The following EIF2AK4 variants were observed in gnomAD, a reference collection of about 807,000 sequenced individuals.
The protein encoded by EIF2AK4 is eukaryotic translation initiation factor 2 alpha kinase 4, also known as eIF-2-alpha kinase GCN2.
In EIF2AK4, 139 loss-of-function variants were observed where a neutral mutation model predicts 211.1. That is an observed-to-expected ratio of 0.66 (90% confidence interval 0.57 to 0.76). The LOEUF is 0.76. EIF2AK4 is among the 30% of genes least tolerant of loss of function. The pLI is 0.00. For missense variants in EIF2AK4, 1,664 were observed against 2,043.8 expected, an observed-to-expected ratio of 0.81 and a Z score of 3.58; for synonymous variants, 710 against 751.3, an observed-to-expected ratio of 0.94 and a Z score of 0.90.
chr15:39,958,906 T>TA lies in EIF2AK4; in HGVS notation c.744-2867dup, dbSNP rs572648420. On this transcript the variant is annotated intron_variant, in intron 6 of 38. Transcript: ENST00000263791. Reference sequence around the variant, plus strand: ...TCTCTCTTCTTGCCACTTGGCTTTTTAAAAAAAAAAAGATTATCCTTTTTT... The same window carrying TA: ...TCTCTCTTCTTGCCACTTGGCTTTTTAAAAAAAAAAAAGATTATCCTTTTTT... Among the ~76,000 whole-genome samples, 191 of 148,282 alleles carry TA rather than the reference T, an allele frequency of 1.3e-3. 2 individuals are homozygous for TA. In the South Asian group the frequency reaches 0.03, roughly 24 times the overall value.
chr15:39,962,001 C>A (rs2034479771), intron 7 of EIF2AK4, 102 bp downstream of exon 7: 1 of 775,364 alleles, frequency 1.3e-6, no homozygotes, highest in Non-Finnish European at 2.1e-6. Context: ...CCAGTGCAGT[C>A]CAAGGAAGAC....
chr15:40,026,271 ATAC>A (rs2035464427), intron 33 of EIF2AK4, among the ~76,000 whole-genome samples, 182 bp downstream of exon 33: 1 of 152,154 alleles, frequency 6.6e-6, no homozygotes, highest in South Asian at 2.1e-4. Context: ...CCTGGGCAAC[ATAC>A]CAAGACCCCA....
intron 21 of EIF2AK4, 79 bp from the exon 22 acceptor site, chr15:40,002,634 C>T: frequency 6.7e-7 from 1 of 1,490,168 alleles, no homozygotes; most frequent in Non-Finnish European, 9.4e-7. Flanking sequence ...GTAGTGCCTA[C>T]TGCAAGCCAC....
At chr15:39,965,642 A>G in intron 7 of EIF2AK4, 44 bp from the exon 8 acceptor site, 1 of 1,606,644 alleles carries the variant, frequency 6.2e-7, no homozygotes, top group South Asian at 1.1e-5. Flanking sequence ...CCCAAGAGAA[A>G]ACATACCAGT....
Position 39,961,807 on chromosome 15 carries a change from G to A in EIF2AK4, c.767G>A (p.Cys256Tyr). 1 of 1,613,890 alleles carries A rather than the reference G, an allele frequency of 6.2e-7. No homozygotes were observed. Among genetic ancestry groups the A allele is most frequent in the African/African-American group, 1.3e-5 (1 of 75,038 alleles). ...AGGCGAGAACGTCAGTATTCTGTAT[G>A]TAATAGTGAAGATTCTCCTGGCTCT... Reference protein sequence around the residue: ...RSRRERQYSVCNSEDSPGSCE... With the variant: ...RSRRERQYSVYNSEDSPGSCE... The change falls in exon 7 of 39, where the codon TGT becomes TAT. Residue 256 changes from cysteine (C) to tyrosine (Y), a missense_variant. This residue lies in a region of EIF2AK4 where 641 missense variants were observed against 729.6 expected (regional missense o/e 0.88). Coordinates refer to ENST00000263791, the MANE Select transcript of EIF2AK4 (RefSeq NM_001013703.4).
At chr15:39,948,417 C>G (rs2034259125) in intron 3 of EIF2AK4, among the ~76,000 whole-genome samples, 1 of 152,144 alleles carries the variant, frequency 6.6e-6, no homozygotes, top group Admixed American at 6.5e-5. Context: ...AATCTTTGTT[C>G]TATTGATTTA....
rs552137189 is a variant in EIF2AK4 at position 39,939,473 on chromosome 15, G to GA, written c.145-25dup. 17 of 1,549,110 alleles carry GA rather than the reference G, an allele frequency of 1.1e-5. No homozygotes were observed. In the African/African-American group the frequency reaches 1.9e-4, roughly 18 times the overall value. ...CATTAATGATTGGCTCTACAGCTTT[G>GA]AAAAAAATTTTTTTTGTTTTTCCTC... On this transcript the variant is annotated intron_variant, in intron 1 of 38. Coordinates refer to ENST00000263791, the MANE Select transcript of EIF2AK4 (RefSeq NM_001013703.4).
intron 27 of EIF2AK4, among the ~76,000 whole-genome samples, chr15:40,014,570 G>A (rs1357168308): frequency 6.6e-6 from 1 of 152,250 alleles, no homozygotes; most frequent in Non-Finnish European, 1.5e-5. Context: ...AAGCTACATA[G>A]AGGAGGGGGG....
Position 39,976,986 on chromosome 15 carries a change from T to C in EIF2AK4, c.2249+142T>C, listed in dbSNP as rs2034707604. ...CCTTTTTTGAGATAGGGTCTTGCTCTGTCACCCAGGCTGGAGGTCAGTGGC... is the reference window on the plus strand; with the variant it reads ...CCTTTTTTGAGATAGGGTCTTGCTCCGTCACCCAGGCTGGAGGTCAGTGGC... On this transcript the variant is annotated intron_variant, in intron 12 of 38. Transcript: ENST00000263791. 12 of 1,115,164 alleles carry C rather than the reference T, an allele frequency of 1.1e-5. 1 individual carries two copies. In the South Asian group the frequency reaches 2.5e-4, roughly 23 times the overall value. The allele number at this position is 1,115,164 out of a possible 1,614,324, so 69.1% of individuals were successfully genotyped here.
rs8034578 is a variant in EIF2AK4 at position 40,009,301 on chromosome 15, C to A, written c.3577-313C>A. On this transcript the variant is annotated intron_variant, in intron 25 of 38. Transcript: ENST00000263791. ...ATGGGGTTTCCCTATGTTCCCCAGG[C>A]TGGTCTTGAACTCTTGAGCTCAAGG... is the stretch of plus-strand genomic sequence containing the variant. 0.11 allele frequency among the ~76,000 whole-genome samples: 16,774 copies of A among 151,742 alleles called. 1,743 individuals carry two copies. The highest frequency in any genetic ancestry group is 0.28 in the East Asian group (1,433 of 5,146).
At chr15:39,964,358 A>C (rs2140911199) in intron 7 of EIF2AK4, among the ~76,000 whole-genome samples, 1 of 152,334 alleles carries the variant, frequency 6.6e-6, no homozygotes, top group South Asian at 2.1e-4. Context: ...TTTATATAAG[A>C]GAAAAAGGCA....
In EIF2AK4 at chr15:40,002,796, C is replaced by A; in HGVS notation, c.3235+8C>A. The stretch of plus-strand genomic sequence containing the variant: ...GCATCTTTAAAAGACATGGTATGTA[C>A]GCCCTTTTTAAAAATGATATTTCTT... On this transcript the variant is annotated splice_region_variant and intron_variant, in intron 22 of 38. Coordinates refer to ENST00000263791, the MANE Select transcript of EIF2AK4 (RefSeq NM_001013703.4). The A allele has an allele frequency of 3.1e-6, 5 of 1,613,852 alleles. No individual in the cohort carries two copies. The highest frequency in any genetic ancestry group is 3.4e-6 in the Non-Finnish European group (4 of 1,179,822).
intron 23 of EIF2AK4, among the ~76,000 whole-genome samples, chr15:40,005,968 C>G (rs903867857): frequency 7.4e-5 from 11 of 148,444 alleles, no homozygotes; most frequent in Admixed American, 4.7e-4. Flanking sequence ...GGAAGATACT[C>G]AGAAAAAAAA....
At chr15:40,034,028 C>CAAAAAAAAAAAAAAAAAAA (rs1161664208) in intron 37 of EIF2AK4, among the ~76,000 whole-genome samples, 1 of 68,972 alleles carries the variant, frequency 1.4e-5, no homozygotes, top group Non-Finnish European at 3.0e-5. Context: ...AACTCCATCT[C>CAAAAAAAAAAAAAAAAAAA]AAAAAAAAAA....
At chr15:39,935,938 G>A (rs1280323310) in intron 1 of EIF2AK4, among the ~76,000 whole-genome samples, 1 of 152,112 alleles carries the variant, frequency 6.6e-6, no homozygotes, top group Non-Finnish European at 1.5e-5. Context: ...GGTGACTGGG[G>A]AACTTCTATC....
intron 18 of EIF2AK4, 26 bp from the exon 19 acceptor site, chr15:39,996,938 T>C: frequency 6.7e-7 from 1 of 1,481,760 alleles, no homozygotes; most frequent in Non-Finnish European, 9.4e-7. Flanking sequence ...CAAGGCTCTC[T>C]AAATGCAATT....
intron 3 of EIF2AK4, among the ~76,000 whole-genome samples, chr15:39,948,254 G>C (rs775881232): frequency 2.6e-5 from 4 of 152,168 alleles, no homozygotes. Context: ...AGTCCCTTTA[G>C]AAACGGTTTC....
intron 5 of EIF2AK4, among the ~76,000 whole-genome samples, chr15:39,954,245 C>A (rs1443894919): frequency 6.6e-6 from 1 of 152,098 alleles, no homozygotes; most frequent in Non-Finnish European, 1.5e-5. Context: ...TAATAATTAA[C>A]CTGGACTAAA....
At chr15:39,937,162 C>T (rs2034077095) in intron 1 of EIF2AK4, among the ~76,000 whole-genome samples, 1 of 152,150 alleles carries the variant, frequency 6.6e-6, no homozygotes, top group African/African-American at 2.4e-5. Context: ...AAAAGGTCTG[C>T]TCATTTATAA....
Sources: allele counts gnomAD v4.1 joint callset (sites outside exome capture counted in the v4.1 genomes callset), GRCh38; gene constraint gnomAD v4.1.1; regional missense constraint gnomAD v4.1.1; transcripts MANE v1.5; gene names NCBI Gene and HGNC (gene_info 2026-07-23, HGNC 2026-07-21).